The following ERCC6 variants were observed in gnomAD, a reference collection of about 807,000 sequenced individuals.
ERCC6 encodes the protein DNA excision repair protein ERCC-6.
A neutral mutation model predicts 158.7 loss-of-function variants in ERCC6; 116 were observed. That is an observed-to-expected ratio of 0.73 (90% CI 0.63 to 0.85). The LOEUF (loss-of-function observed/expected upper bound fraction) is 0.85. Among genes scored for constraint, ERCC6 ranks in the 40% least tolerant of loss-of-function variants. ERCC6 has a pLI of 0.00. For synonymous variants in ERCC6, 678 were observed against 659.3 expected, an observed-to-expected ratio of 1.03 and a Z score of -0.43; for missense variants, 1,698 against 1,799.4, an observed-to-expected ratio of 0.94 and a Z score of 1.02.
chr10:49,483,284 G>A (rs1851012278), intron 9 of ERCC6, 62 bp downstream of exon 9: 2 of 1,519,774 alleles, frequency 1.3e-6, no homozygotes, highest in Non-Finnish European at 1.8e-6. Context: ...AAAGCAGATA[G>A]TTTATTCTGA....
At chr10:49,475,820 T>C (rs1206357316) in intron 12 of ERCC6, among the ~76,000 whole-genome samples, 2 of 152,216 alleles carry the variant, frequency 1.3e-5, no homozygotes, top group Admixed American at 1.3e-4. Context: ...AGGAAGCTGA[T>C]GAAAGTTATG....
rs4253220 is a variant in ERCC6, at chr10:49,461,263, A to G, written c.3983+89T>C. 3,222 of 1,289,966 alleles carry G rather than the reference A, an allele frequency of 2.5e-3. 67 individuals are homozygous for G. The African/African-American group carries it at 0.043, about 17-fold the overall frequency. The allele number at this position is 1,289,966 out of a possible 1,614,324, so 79.9% of individuals were successfully genotyped here. ...GGGGATTTATTCCTGAAGAGAAATA[A>G]CAGTATAAGCCTCCACACCTGCCCT... is the stretch of plus-strand genomic sequence containing the variant. On this transcript the variant is annotated intron_variant, in intron 19 of 20. Transcript: ENST00000355832.
At chr10:49,493,626 G>A (rs933824866) in intron 7 of ERCC6, among the ~76,000 whole-genome samples, 1 of 152,142 alleles carries the variant, frequency 6.6e-6, no homozygotes, top group Admixed American at 6.5e-5. Context: ...GAACATAATA[G>A]AATCTTAAAT....
At chr10:49,476,372 A>G in intron 11 of ERCC6, 62 bp from the exon 12 acceptor site, 1 of 1,126,726 alleles carries the variant, frequency 8.9e-7, no homozygotes, top group Non-Finnish European at 1.3e-6. Context: ...AAATAATTAA[A>G]ATATCAACAA....
At chr10:49,523,110 C>A (rs1373858699) in intron 5 of ERCC6, among the ~76,000 whole-genome samples, 1 of 152,134 alleles carries the variant, frequency 6.6e-6, no homozygotes, top group Non-Finnish European at 1.5e-5. Context: ...GGTCTCTTCA[C>A]CTTGAGAAAT....
intron 1 of ERCC6, among the ~76,000 whole-genome samples, chr10:49,534,258 TC>T (rs1364793838): frequency 6.6e-6 from 1 of 150,426 alleles, no homozygotes; most frequent in Non-Finnish European, 1.5e-5. Flanking sequence ...AGGAGAAGGA[TC>T]CCCCCTCACA....
At chr10:49,467,019 G>A (rs541884763) in intron 18 of ERCC6, among the ~76,000 whole-genome samples, 1 of 152,266 alleles carries the variant, frequency 6.6e-6, no homozygotes, top group South Asian at 2.1e-4. Flanking sequence ...GACCTCAGGT[G>A]ATTCACCCAC....
At chr10:49,514,986 T>C (rs1836903835) in intron 5 of ERCC6, among the ~76,000 whole-genome samples, 1 of 151,980 alleles carries the variant, frequency 6.6e-6, no homozygotes, top group South Asian at 2.1e-4. Context: ...TTAAGACTGA[T>C]ATAGACAATT....
Position 49,524,051 on chromosome 10 carries a change from T to G in ERCC6, c.1379A>C (p.Tyr460Ser), listed in dbSNP as rs140135643. 45 of 1,613,532 alleles carry G rather than the reference T, an allele frequency of 2.8e-5. No homozygotes were observed. The highest frequency in any genetic ancestry group is 1.6e-4 in the Middle Eastern group (1 of 6,084). ...GACCGACCTTAACCGCTGCTTATAA[T>G]AATCTTCATCTCCATCATCTCGGTA... ...GRYRDDGDED[Y>S]YKQRLRRWNK... is the part of the protein sequence containing the mutation. The change falls in exon 5 of 21, where the codon TAT (tyrosine) becomes TCT (serine). Residue 460 changes from tyrosine (Y) to serine (S), a missense_variant. Coordinates refer to ENST00000355832, the MANE Select transcript of ERCC6 (RefSeq NM_000124.4).
chr10:49,470,642 C>T lies in ERCC6; in HGVS notation c.3318G>A (p.Arg1106=). 1 of 1,613,694 alleles carries T rather than the reference C, an allele frequency of 6.2e-7. No homozygotes were observed. The highest frequency in any genetic ancestry group is 8.5e-7 in the Non-Finnish European group (1 of 1,179,714). The stretch of plus-strand genomic sequence containing the variant: ...ATACTGCATTTGTCTCTTCTCCAAG[C>T]CTATCATTGCTAGTTACATTACTAC... ...HMSSNVTSND[R]LGEETNAVSG... is the part of the protein sequence containing the mutation. Residue 1106 remains arginine (R), a synonymous_variant, in exon 18 of 21, where the codon AGG becomes AGA. Coordinates refer to ENST00000355832, the MANE Select transcript of ERCC6 (RefSeq NM_000124.4).
At chr10:49,525,404 C>G (rs1837291927) in intron 4 of ERCC6, among the ~76,000 whole-genome samples, 1 of 152,178 alleles carries the variant, frequency 6.6e-6, no homozygotes. Flanking sequence ...ATGGGCAACA[C>G]AGAGAACATT....
chr10:49,466,934 C>A (rs1425433270), intron 18 of ERCC6, among the ~76,000 whole-genome samples: 1 of 152,000 alleles, frequency 6.6e-6, no homozygotes, highest in South Asian at 2.1e-4. Flanking sequence ...TCCAGACACC[C>A]ACCATCATGC....
chr10:49,469,326 GATAGATGCACTGAGT>G (rs1343544448), intron 18 of ERCC6, among the ~76,000 whole-genome samples: 1 of 152,074 alleles, frequency 6.6e-6, no homozygotes, highest in African/African-American at 2.4e-5. Context: ...TGTGTCTCCT[GATAGATGCACTGAGT>G]AAGATACGGT....
At chr10:49,486,653 T>C (rs1308244227) in intron 8 of ERCC6, among the ~76,000 whole-genome samples, 1 of 152,186 alleles carries the variant, frequency 6.6e-6, no homozygotes, top group African/African-American at 2.4e-5. Flanking sequence ...TTGACAGATA[T>C]GATAGCTAAA....
rs1850487788 is a variant in ERCC6, at chr10:49,456,624, T to G, written c.*2191A>C. 6.6e-6 allele frequency: 1 copy of G among 152,250 alleles called. No homozygotes were observed. Among genetic ancestry groups the G allele is most frequent in the Non-Finnish European group, 1.5e-5 (1 of 68,054 alleles). The allele number at this position is 152,250 out of a possible 1,614,324, so 9.4% of individuals were successfully genotyped here. On this transcript the variant is annotated 3_prime_UTR_variant, in exon 21 of 21. Transcript: ENST00000355832. Reference sequence around the variant, plus strand: ...GAGGCAGACTATTGCTTGAACATTTTTAATGGTGATAGTATTAACATTTAA... The same window carrying G: ...GAGGCAGACTATTGCTTGAACATTTGTAATGGTGATAGTATTAACATTTAA...
At chr10:49,510,353 T>C (rs542419620) in intron 5 of ERCC6, among the ~76,000 whole-genome samples, 1 of 152,280 alleles carries the variant, frequency 6.6e-6, no homozygotes, top group Admixed American at 6.5e-5. Context: ...TGCCATACCA[T>C]GTATGCAGCC....
At chr10:49,464,207 G>A (rs938334357) in intron 18 of ERCC6, among the ~76,000 whole-genome samples, 1 of 152,222 alleles carries the variant, frequency 6.6e-6, no homozygotes, top group Non-Finnish European at 1.5e-5. Flanking sequence ...TTGGGAATTG[G>A]AGCAAAGGTG....
chr10:49,519,246 T>C (rs575477841), intron 5 of ERCC6, among the ~76,000 whole-genome samples: 66 of 152,336 alleles, frequency 4.3e-4, no homozygotes, highest in East Asian at 1.9e-4. Context: ...GAAACATGTA[T>C]GTAGAGGGCC....
At chr10:49,444,052 G>GGGAGTGCTGGCAAGGAGA in the ERCC6 span, among the ~76,000 whole-genome samples, 1 of 152,206 alleles carries the variant, frequency 6.6e-6, no homozygotes, top group Non-Finnish European at 1.5e-5. Flanking sequence ...CTGCCAAGGT[G>GGGAGTGCTGGCAAGGAGA]GGAGTGCTGG....
Sources: gnomAD v4.1 joint callset for allele counts (sites outside exome capture counted in the v4.1 genomes callset) on GRCh38, gnomAD v4.1.1 for gene constraint, MANE v1.5 for transcripts, NCBI Gene and HGNC (gene_info 2026-07-23, HGNC 2026-07-21) for gene names.